Variants in MKLN1 observed in about 807,000 individuals in gnomAD.
The protein encoded by MKLN1 is muskelin.
A neutral mutation model predicts 99.0 loss-of-function variants in MKLN1; 18 were observed. The observed-to-expected ratio is 0.18, with a 90% CI of 0.13 to 0.27. The LOEUF (loss-of-function observed/expected upper bound fraction) is 0.27, where lower values mean the gene tolerates loss of function less well. MKLN1 is among the 10% of genes least tolerant of loss of function. MKLN1 has a pLI of 1.00. For synonymous variants in MKLN1, 288 were observed against 293.2 expected (o/e 0.98, Z 0.18); for missense variants, 621 against 875.9 (o/e 0.71, Z 3.67).
chr7:131,253,063 C>A (rs193003132), intron 3 of MKLN1, among the ~76,000 whole-genome samples: 1 of 152,242 alleles, frequency 6.6e-6, no homozygotes, highest in East Asian at 1.9e-4. Context: ...AATGAAACAA[C>A]CATACTGGTG....
At chr7:131,231,173 G>A (rs1797238748) in intron 3 of MKLN1, among the ~76,000 whole-genome samples, 1 of 151,066 alleles carries the variant, frequency 6.6e-6, no homozygotes, top group South Asian at 2.1e-4. Context: ...TGGCAGGGCA[G>A]GAGAGGAGAA....
intron 3 of MKLN1, among the ~76,000 whole-genome samples, chr7:131,224,722 C>CA (rs879580618): frequency 1.1e-3 from 157 of 148,360 alleles, no homozygotes; most frequent in Non-Finnish European, 1.8e-3. Context: ...GACCCTGTCT[C>CA]AAAAAAAAAC....
intron 2 of MKLN1, among the ~76,000 whole-genome samples, chr7:131,157,803 A>T (rs560581996): frequency 6.6e-6 from 1 of 152,260 alleles, no homozygotes; most frequent in East Asian, 1.9e-4. Flanking sequence ...GACCTCAAAG[A>T]CAACTTAGAG....
chr7:131,259,956 T>C (rs969989630), intron 3 of MKLN1, among the ~76,000 whole-genome samples: 1 of 152,150 alleles, frequency 6.6e-6, no homozygotes, highest in African/African-American at 2.4e-5. Context: ...TAAAACCCCA[T>C]AGTGTCTGCC....
At chr7:131,146,106 A>C (rs1036838550) in intron 2 of MKLN1, among the ~76,000 whole-genome samples, 1 of 152,220 alleles carries the variant, frequency 6.6e-6, no homozygotes, top group African/African-American at 2.4e-5. Context: ...AATTTGCCCA[A>C]GGTCTTACAC....
intron 1 of MKLN1, among the ~76,000 whole-genome samples, chr7:131,118,972 C>T (rs748155961): frequency 1.3e-5 from 2 of 152,206 alleles, no homozygotes; most frequent in African/African-American, 2.4e-5. Flanking sequence ...TCATGTCCTT[C>T]TCACATTTCA....
chr7:131,364,128 AT>A (rs1285391574), intron 1 of MKLN1, among the ~76,000 whole-genome samples: 1 of 152,132 alleles, frequency 6.6e-6, no homozygotes, highest in African/African-American at 2.4e-5. Context: ...TATACTCTTT[AT>A]AGCTGGAGAT....
intron 1 of MKLN1, among the ~76,000 whole-genome samples, chr7:131,333,616 A>C (rs1799162723): frequency 6.6e-6 from 1 of 151,518 alleles, no homozygotes; most frequent in African/African-American, 2.4e-5. Flanking sequence ...GGCTCACCGC[A>C]ACCTCTGCCT....
intron 4 of MKLN1, among the ~76,000 whole-genome samples, chr7:131,393,257 C>G (rs1794259701): frequency 6.6e-6 from 1 of 152,110 alleles, no homozygotes; most frequent in Admixed American, 6.5e-5. Flanking sequence ...AGGGAGGCAT[C>G]TTTTATCAGG....
chr7:131,133,816 TTTGG>T (rs1386262477), intron 1 of MKLN1, among the ~76,000 whole-genome samples: 396 of 16,966 alleles, frequency 0.023, 22 homozygotes, highest in African/African-American at 0.073. Context: ...TTTTTTTTAA[TTTGG>T]TTTTTTTTTT....
intron 3 of MKLN1, among the ~76,000 whole-genome samples, chr7:131,242,270 T>G (rs2116496238): frequency 6.6e-6 from 1 of 152,298 alleles, no homozygotes; most frequent in East Asian, 1.9e-4. Flanking sequence ...GTATGGTGGC[T>G]CACGCCTGTA....
Position 131,336,098 on chromosome 7 carries a change from A to C in MKLN1, c.98+8101A>C, listed in dbSNP as rs940595862. 4.6e-5 allele frequency among the ~76,000 whole-genome samples: 7 copies of C among 151,540 alleles called. No homozygotes were observed. The South Asian group carries it at 1.5e-3, about 31-fold the overall frequency. On this transcript the variant is annotated intron_variant, in intron 1 of 17. Coordinates refer to ENST00000352689, the MANE Select transcript of MKLN1 (RefSeq NM_013255.5). Reference sequence around the variant, plus strand: ...TTTGTATATTTCTCCTTTTAGTTCTATAAAGAACTAAACTGTATGCTTTAT... The same window carrying C: ...TTTGTATATTTCTCCTTTTAGTTCTCTAAAGAACTAAACTGTATGCTTTAT...
intron 3 of MKLN1, among the ~76,000 whole-genome samples, chr7:131,251,325 C>T (rs547005478): frequency 6.6e-5 from 10 of 152,248 alleles, no homozygotes; most frequent in Middle Eastern, 3.4e-3. Context: ...CACTGCCTAC[C>T]GGGCAGGGTG....
chr7:131,357,284 T>C (rs1784532793), intron 1 of MKLN1, among the ~76,000 whole-genome samples: 1 of 152,204 alleles, frequency 6.6e-6, no homozygotes, highest in Non-Finnish European at 1.5e-5. Flanking sequence ...CGAGGAGTAC[T>C]GGACAGGTGT....
intron 6 of MKLN1, among the ~76,000 whole-genome samples, chr7:131,411,003 G>A (rs929882085): frequency 2.0e-5 from 3 of 151,736 alleles, no homozygotes; most frequent in African/African-American, 7.3e-5. Context: ...ATACGTGTCC[G>A]TTGAATGCAA....
chr7:131,261,040 C>T (rs1295682671), intron 3 of MKLN1, among the ~76,000 whole-genome samples: 1 of 152,092 alleles, frequency 6.6e-6, no homozygotes, highest in East Asian at 1.9e-4. Flanking sequence ...CTATAAAAAC[C>T]CTGGAAGATA....
rs1432500907 is a variant in MKLN1 at position 131,488,400 on chromosome 7, A to T, written c.*672A>T. The T allele has an allele frequency of 6.6e-6, 1 of 152,480 alleles. No individual in the cohort carries two copies. The highest frequency in any genetic ancestry group is 1.5e-5 in the Non-Finnish European group (1 of 68,002). The allele number at this position is 152,480 out of a possible 1,614,324, so 9.4% of individuals were successfully genotyped here. Reference sequence around the variant, plus strand: ...AAACCTGAGATTGACCCAAGCACCTATCTGAGATTGGTATATAATATTTCT... The same window carrying T: ...AAACCTGAGATTGACCCAAGCACCTTTCTGAGATTGGTATATAATATTTCT... On this transcript the variant is annotated 3_prime_UTR_variant, in exon 18 of 18. Coordinates refer to ENST00000352689, the MANE Select transcript of MKLN1 (RefSeq NM_013255.5).
At chr7:131,142,225 G>T (rs1053842379) in intron 1 of MKLN1, among the ~76,000 whole-genome samples, 7 of 152,030 alleles carry the variant, frequency 4.6e-5, no homozygotes, top group Non-Finnish European at 1.5e-5. Context: ...GGCCAAAATG[G>T]CAAAACCCTG....
intron 3 of MKLN1, among the ~76,000 whole-genome samples, chr7:131,254,912 T>C (rs895039352): frequency 1.6e-4 from 25 of 152,034 alleles, no homozygotes; most frequent in Non-Finnish European, 5.9e-5. Flanking sequence ...TTTTTTTTTT[T>C]AGAAAGAAGA....
Sources: gnomAD v4.1 joint callset for allele counts (sites outside exome capture counted in the v4.1 genomes callset) on GRCh38, gnomAD v4.1.1 for gene constraint, MANE v1.5 for transcripts, NCBI Gene and HGNC (gene_info 2026-07-23, HGNC 2026-07-21) for gene names.